The following ZNF804B variants were observed in gnomAD, a reference collection of about 807,000 sequenced individuals.
ZNF804B encodes zinc finger 804B.
Under a neutral mutation model 101.4 loss-of-function variants are expected in ZNF804B, and 80 were observed. That is an observed-to-expected ratio of 0.79 (90% CI 0.66 to 0.95). The LOEUF is 0.95. ZNF804B is among the 40% of genes least tolerant of loss of function. The probability of loss-of-function intolerance (pLI) is 0.00; values close to 1 mark genes in which losing one functional copy is unlikely to be tolerated. For missense variants in ZNF804B, 1,673 were observed against 1,561.9 expected (o/e 1.07, Z -1.20); for synonymous variants, 622 against 558.8 (o/e 1.11, Z -1.59).
chr7:88,792,893 T>C (rs1472242659), intron 1 of ZNF804B, among the ~76,000 whole-genome samples: 2 of 152,080 alleles, frequency 1.3e-5, no homozygotes, highest in African/African-American at 2.4e-5. Context: ...GATTCTGTTA[T>C]GTAACAATGA....
At chr7:88,800,743 A>G (rs1030828060) in intron 1 of ZNF804B, among the ~76,000 whole-genome samples, 4 of 149,172 alleles carry the variant, frequency 2.7e-5, no homozygotes, top group African/African-American at 9.8e-5. Context: ...TGCTTAAAGC[A>G]TAAACAGCAG....
intron 1 of ZNF804B, among the ~76,000 whole-genome samples, chr7:89,093,010 A>C (rs1032791013): frequency 6.6e-6 from 1 of 152,166 alleles, no homozygotes; most frequent in Non-Finnish European, 1.5e-5. Flanking sequence ...TATATTCATA[A>C]ATCTGTATAT....
chr7:88,994,693 C>T (rs1346468831), intron 1 of ZNF804B, among the ~76,000 whole-genome samples: 3 of 151,902 alleles, frequency 2.0e-5, no homozygotes, highest in Non-Finnish European at 4.4e-5. Flanking sequence ...AGAGATTTTC[C>T]CTACTTTGTT....
chr7:88,944,826 A>G (rs1344820031), intron 1 of ZNF804B, among the ~76,000 whole-genome samples: 2 of 151,856 alleles, frequency 1.3e-5, no homozygotes, highest in Admixed American at 6.6e-5. Flanking sequence ...AGAAAATTCT[A>G]TAATTAGTAC....
chr7:89,102,090 A>C (rs1347715596), intron 1 of ZNF804B, among the ~76,000 whole-genome samples: 5 of 152,000 alleles, frequency 3.3e-5, no homozygotes, highest in Non-Finnish European at 4.4e-5. Context: ...TTGGGGACAC[A>C]GGTTGATTCC....
At chr7:89,273,676 G>C (rs1003556884) in intron 2 of ZNF804B, among the ~76,000 whole-genome samples, 2 of 152,022 alleles carry the variant, frequency 1.3e-5, no homozygotes, top group African/African-American at 4.8e-5. Flanking sequence ...CTATCACCTT[G>C]ATGTCTAGCA....
At chr7:88,803,789 G>GA (rs1790644110) in intron 1 of ZNF804B, among the ~76,000 whole-genome samples, 1 of 152,082 alleles carries the variant, frequency 6.6e-6, no homozygotes, top group African/African-American at 2.4e-5. Context: ...GACTTATGAT[G>GA]AAAATTTGGT....
At chr7:89,159,645 A>T (rs141330749) in intron 1 of ZNF804B, among the ~76,000 whole-genome samples, 87 of 152,270 alleles carry the variant, frequency 5.7e-4, no homozygotes, top group African/African-American at 1.9e-3. Context: ...ATAATAGTTC[A>T]TCAATGAACT....
At chr7:88,831,696 A>T (rs1174258002) in intron 1 of ZNF804B, among the ~76,000 whole-genome samples, 1 of 151,882 alleles carries the variant, frequency 6.6e-6, no homozygotes, top group Non-Finnish European at 1.5e-5. Context: ...GATGCTTCTA[A>T]CTCTCTGATT....
At chr7:89,085,671 A>T (rs572308376) in intron 1 of ZNF804B, among the ~76,000 whole-genome samples, 1 of 151,992 alleles carries the variant, frequency 6.6e-6, no homozygotes, top group East Asian at 1.9e-4. Context: ...TTTTTTGTCT[A>T]TGTGCAAAGG....
chr7:89,297,157 A>G (rs1790396458), intron 2 of ZNF804B, among the ~76,000 whole-genome samples: 1 of 152,042 alleles, frequency 6.6e-6, no homozygotes, highest in Non-Finnish European at 1.5e-5. Context: ...AGTAGCATGT[A>G]CTAAAACTAT....
chr7:88,794,227 A>G (rs1012225539), intron 1 of ZNF804B: 2 of 1,613,282 alleles, frequency 1.2e-6, no homozygotes, highest in Middle Eastern at 1.7e-4. Flanking sequence ...ATCCAGAGTG[A>G]TGTGTATGGG....
intron 1 of ZNF804B, among the ~76,000 whole-genome samples, chr7:88,809,977 T>C (rs1179529273): frequency 1.2e-4 from 18 of 152,222 alleles, no homozygotes; most frequent in Non-Finnish European, 2.9e-5. Flanking sequence ...TATTGTTTTA[T>C]ATGACACAGG....
chr7:88,954,548 A>T (rs930182812), intron 1 of ZNF804B, among the ~76,000 whole-genome samples: 2 of 95,428 alleles, frequency 2.1e-5, no homozygotes, highest in Admixed American at 1.1e-4. Flanking sequence ...AACTCTTTCT[A>T]AAACATGCCC....
At chr7:89,183,246 T>C (rs1483902510) in intron 1 of ZNF804B, among the ~76,000 whole-genome samples, 1 of 152,088 alleles carries the variant, frequency 6.6e-6, no homozygotes, top group Non-Finnish European at 1.5e-5. Context: ...ATAAGCTATG[T>C]ATGGGAGCAC....
intron 1 of ZNF804B, among the ~76,000 whole-genome samples, chr7:89,028,503 G>C (rs1368177776): frequency 6.6e-6 from 1 of 152,062 alleles, no homozygotes; most frequent in Non-Finnish European, 1.5e-5. Context: ...TGCATTTGTG[G>C]GGCCATTTTG....
chr7:88,853,107 T>A (rs142297175), intron 1 of ZNF804B, among the ~76,000 whole-genome samples: 1 of 152,178 alleles, frequency 6.6e-6, no homozygotes, highest in East Asian at 1.9e-4. Flanking sequence ...TGCACATGTG[T>A]GTTTTTATCC....
At chr7:88,856,056 T>C (rs1286205986) in intron 1 of ZNF804B, among the ~76,000 whole-genome samples, 1 of 152,212 alleles carries the variant, frequency 6.6e-6, no homozygotes, top group Non-Finnish European at 1.5e-5. Context: ...CCAGCTTTGT[T>C]CTTTTGGCTT....
At chr7:88,983,876 T>G (rs1281839954) in intron 1 of ZNF804B, among the ~76,000 whole-genome samples, 1 of 152,014 alleles carries the variant, frequency 6.6e-6, no homozygotes, top group Non-Finnish European at 1.5e-5. Context: ...CCTTGAAAAT[T>G]TATTATTTGC....
Sources: allele counts gnomAD v4.1 joint callset (sites outside exome capture counted in the v4.1 genomes callset), GRCh38; gene constraint gnomAD v4.1.1; transcripts MANE v1.5; gene names NCBI Gene and HGNC (gene_info 2026-07-23, HGNC 2026-07-21).